Variants in KIN observed in about 807,000 individuals in gnomAD.
KIN encodes DNA/RNA-binding protein KIN17.
Under a neutral mutation model 63.0 loss-of-function variants are expected in KIN, and 47 were observed. That is an observed-to-expected ratio of 0.75 (90% CI 0.59 to 0.95). The LOEUF is 0.95. Ranked by LOEUF, KIN falls within the 40% of genes least tolerant of loss-of-function variation. The pLI, the probability that KIN is intolerant of heterozygous loss-of-function variation, is 0.00. For missense variants in KIN, 408 were observed against 460.9 expected (o/e 0.89, Z 1.05); for synonymous variants, 160 against 157.7 (o/e 1.01, Z -0.11).
rs1835243079 is a variant in KIN at position 7,751,474 on chromosome 10, AG to A, written c.*4605del. On this transcript the variant is annotated 3_prime_UTR_variant, in exon 13 of 13. Transcript: ENST00000379562. The stretch of plus-strand genomic sequence containing the variant: ...ATGCCTATAATCCCAGCACTCTCGG[AG>A]GCCAAGGCAGGAGCATCACTGGAGG... 1 of 152,180 alleles carries A rather than the reference AG, an allele frequency of 6.6e-6. No homozygotes were observed. Among genetic ancestry groups the A allele is most frequent in the African/African-American group, 2.4e-5 (1 of 41,452 alleles). 9.4% of individuals were successfully genotyped at this position (152,180 alleles called of 1,614,324 possible).
chr10:7,784,284 G>A (rs754216304), intron 1 of KIN, among the ~76,000 whole-genome samples: 2 of 152,122 alleles, frequency 1.3e-5, no homozygotes, highest in Non-Finnish European at 2.9e-5. Context: ...TTGCATCTCA[G>A]TTTAACATTT....
At chr10:7,761,612 C>CT (rs2130989556) in intron 11 of KIN, among the ~76,000 whole-genome samples, 1 of 152,300 alleles carries the variant, frequency 6.6e-6, no homozygotes, top group South Asian at 2.1e-4. Context: ...AATTCCACAC[C>CT]TGACCTCCTG....
chr10:7,773,029 C>T (rs1357660155), intron 7 of KIN, among the ~76,000 whole-genome samples: 1 of 152,120 alleles, frequency 6.6e-6, no homozygotes, highest in South Asian at 2.1e-4. Flanking sequence ...GATTTGACAC[C>T]TGGAGGAAAA....
intron 8 of KIN, among the ~76,000 whole-genome samples, chr10:7,768,196 C>T (rs1250986110): frequency 6.6e-6 from 1 of 152,116 alleles, no homozygotes; most frequent in Non-Finnish European, 1.5e-5. Flanking sequence ...TTCACATAGA[C>T]TTAGCCATCA....
At position 7,780,189 on chromosome 10, in the gene KIN, AATATGACACTGATG is replaced by A; in HGVS notation, c.254-25_254-12del. ...GGACCCTTTTAGTGCCTGAGAACAA[AATATGACACTGATG>A]ATCATCAGAAGATTATGCCATTTAT... On this transcript the variant is annotated splice_polypyrimidine_tract_variant and intron_variant, in intron 3 of 12. Transcript: ENST00000379562. 6.2e-7 allele frequency: 1 copy of A among 1,612,660 alleles called. No homozygotes were observed. Among genetic ancestry groups the A allele is most frequent in the Non-Finnish European group, 8.5e-7 (1 of 1,179,200 alleles).
At chr10:7,781,191 G>A (rs934699429) in intron 2 of KIN, among the ~76,000 whole-genome samples, 1 of 152,190 alleles carries the variant, frequency 6.6e-6, no homozygotes, top group African/African-American at 2.4e-5. Flanking sequence ...ATTGTGGTCA[G>A]TGAAGGATAA....
intron 7 of KIN, among the ~76,000 whole-genome samples, chr10:7,772,703 A>G (rs1046481331): frequency 5.9e-5 from 9 of 152,256 alleles, no homozygotes; most frequent in Non-Finnish European, 1.3e-4. Flanking sequence ...TCTTATACAA[A>G]TATTGTTCCT....
intron 2 of KIN, 28 bp from the exon 3 acceptor site, chr10:7,780,335 A>T: frequency 6.4e-7 from 1 of 1,562,546 alleles, no homozygotes; most frequent in Non-Finnish European, 8.7e-7. Context: ...GAAAGCATTA[A>T]GGTAATTTCT....
intron 2 of KIN, 131 bp from the exon 3 acceptor site, chr10:7,780,438 A>C: frequency 2.9e-6 from 2 of 692,512 alleles, no homozygotes; most frequent in Non-Finnish European, 4.7e-6. Context: ...CTCGTCACCC[A>C]AGCTGGAGTG....
intron 1 of KIN, among the ~76,000 whole-genome samples, 158 bp from the exon 2 acceptor site, chr10:7,783,333 A>T (rs1191313205): frequency 2.0e-5 from 3 of 152,218 alleles, no homozygotes; most frequent in Non-Finnish European, 2.9e-5. Flanking sequence ...TTTCAAAAAA[A>T]ATTTTTATAG....
intron 4 of KIN, among the ~76,000 whole-genome samples, chr10:7,779,582 C>T (rs1189297383): frequency 6.6e-6 from 1 of 152,164 alleles, no homozygotes; most frequent in Non-Finnish European, 1.5e-5. Context: ...TGCATCTGTA[C>T]TGAACATGCA....
intron 2 of KIN, among the ~76,000 whole-genome samples, chr10:7,781,396 G>A (rs1835891321): frequency 3.9e-5 from 6 of 152,138 alleles, no homozygotes; most frequent in Admixed American, 3.9e-4. Context: ...GCTAATTTTT[G>A]AAGTACCCCG....
chr10:7,776,576 C>CA (rs1393929327), intron 5 of KIN, among the ~76,000 whole-genome samples: 1 of 150,024 alleles, frequency 6.7e-6, no homozygotes, highest in African/African-American at 2.5e-5. Flanking sequence ...ACTAAAAATA[C>CA]AAAAATTAGC....
intron 4 of KIN, 24 bp downstream of exon 4, chr10:7,780,032 G>A (rs1360779257): frequency 1.3e-6 from 2 of 1,599,398 alleles, no homozygotes; most frequent in Non-Finnish European, 1.7e-6. Context: ...GAAAGAAAAA[G>A]CAACTTTAAA....
At chr10:7,762,639 C>G in intron 10 of KIN, 83 bp from the exon 11 acceptor site, 1 of 658,152 alleles carries the variant, frequency 1.5e-6, no homozygotes. Context: ...GAAATGAAGA[C>G]AAATAAAATA....
rs958183368 is a variant in KIN at position 7,766,171 on chromosome 10, T to G, written c.799-68A>C. 2.0e-5 allele frequency: 22 copies of G among 1,085,504 alleles called. No homozygotes were observed. The Admixed American group carries it at 4.3e-4, about 21-fold the overall frequency. 67.2% of individuals were successfully genotyped at this position (1,085,504 alleles called of 1,614,324 possible). On this transcript the variant is annotated intron_variant, in intron 8 of 12. Coordinates refer to ENST00000379562, the MANE Select transcript of KIN (RefSeq NM_012311.4). ...CATTGGATTTCAAAATACCATTCTA[T>G]TTAGCAAAATAACACCATAAAACTG...
At chr10:7,765,350 C>A (rs555615983) in intron 9 of KIN, among the ~76,000 whole-genome samples, 45 of 151,908 alleles carry the variant, frequency 3.0e-4, no homozygotes, top group African/African-American at 1.1e-3. Flanking sequence ...GTCCTAGCTA[C>A]TCTGGAAGCT....
At chr10:7,780,009 A>G (rs965889928) in intron 4 of KIN, 47 bp downstream of exon 4, 1 of 1,580,660 alleles carries the variant, frequency 6.3e-7, no homozygotes, top group Non-Finnish European at 8.6e-7. Context: ...CATCCTATGA[A>G]GATTAGAAGT....
rs1015568293 is a variant in KIN, at chr10:7,754,793, G to A, written c.*1287C>T. The stretch of plus-strand genomic sequence containing the variant: ...AGCCCAGGGAAGGCTGTTCACACCC[G>A]GTCCCGCTGCCCTGGAAGCTAGCGT... On this transcript the variant is annotated 3_prime_UTR_variant, in exon 13 of 13. Transcript: ENST00000379562. The A allele has an allele frequency of 6.6e-6, 1 of 152,282 alleles. No individual in the cohort carries two copies. The highest frequency in any genetic ancestry group is 2.4e-5 in the African/African-American group (1 of 41,424). 9.4% of individuals were successfully genotyped at this position (152,282 alleles called of 1,614,324 possible).
Sources: allele counts gnomAD v4.1 joint callset (sites outside exome capture counted in the v4.1 genomes callset), GRCh38; gene constraint gnomAD v4.1.1; transcripts MANE v1.5; gene names NCBI Gene and HGNC (gene_info 2026-07-23, HGNC 2026-07-21).